HUNK: variants seen among roughly 807,000 people sequenced by gnomAD.
HUNK encodes the protein hormonally up-regulated neu tumor-associated kinase.
HUNK carries 21 observed loss-of-function variants against 61.0 expected under a neutral mutation model. The observed-to-expected ratio is 0.34, with a 90% CI of 0.24 to 0.50. HUNK has a LOEUF of 0.50. Ranked by LOEUF, HUNK falls within the 20% of genes least tolerant of loss-of-function variation. The pLI is 0.98. For synonymous variants in HUNK, 371 were observed against 386.1 expected (o/e 0.96, Z 0.46); for missense variants, 772 against 945.7 (o/e 0.82, Z 2.41).
At chr21:31,912,834 G>A (rs2052555838) in intron 1 of HUNK, among the ~76,000 whole-genome samples, 2 of 152,120 alleles carry the variant, frequency 1.3e-5, no homozygotes, top group East Asian at 1.9e-4. Context: ...TCTGCATCAC[G>A]ATCGCACACA....
intron 1 of HUNK, among the ~76,000 whole-genome samples, chr21:31,902,984 A>G (rs2052479307): frequency 6.6e-6 from 1 of 152,166 alleles, no homozygotes; most frequent in African/African-American, 2.4e-5. Context: ...GATCATGATC[A>G]AAGTGTCTAA....
chr21:31,960,739 A>G (rs910524800), intron 5 of HUNK, among the ~76,000 whole-genome samples: 2 of 152,178 alleles, frequency 1.3e-5, no homozygotes, highest in Admixed American at 6.5e-5. Context: ...TGAGAACAGC[A>G]TGAACTGCCT....
intron 1 of HUNK, among the ~76,000 whole-genome samples, chr21:31,910,266 G>T (rs1035881895): frequency 6.6e-6 from 1 of 151,986 alleles, no homozygotes; most frequent in Non-Finnish European, 1.5e-5. Flanking sequence ...TTCTCCTGAG[G>T]CCTCCTCTCC....
chr21:31,985,387 T>C (rs1222771255), intron 8 of HUNK, among the ~76,000 whole-genome samples: 1 of 152,174 alleles, frequency 6.6e-6, no homozygotes, highest in Non-Finnish European at 1.5e-5. Flanking sequence ...TGGTGGTTAC[T>C]GGGGCCCACA....
At chr21:31,884,463 G>A (rs2052331449) in intron 1 of HUNK, among the ~76,000 whole-genome samples, 1 of 151,908 alleles carries the variant, frequency 6.6e-6, no homozygotes, top group African/African-American at 2.4e-5. Flanking sequence ...GTGGTGGTGG[G>A]CACCTGTAAT....
At chr21:31,974,322 C>CA (rs113469359) in intron 6 of HUNK, 9,038 of 316,330 alleles carry the variant, frequency 0.029, 80 homozygotes, top group African/African-American at 0.067. Flanking sequence ...AATACTTCAG[C>CA]AAAAAAAAAA....
rs186462301 is a variant in HUNK, at chr21:31,968,394, G to A, written c.1010+9G>A. ...GTCACCTATCCCAACAGGTAATTTC[G>A]TGCACCCAGAGGAACTCCTCGGGAG... On this transcript the variant is annotated intron_variant, in intron 6 of 10. Coordinates refer to ENST00000270112, the MANE Select transcript of HUNK (RefSeq NM_014586.2). The A allele has an allele frequency of 3.1e-6, 5 of 1,614,030 alleles. No homozygotes were observed. Among genetic ancestry groups the A allele is most frequent in the South Asian group, 1.1e-5 (1 of 91,068 alleles).
At chr21:31,917,274 C>G (rs1285996523) in intron 1 of HUNK, among the ~76,000 whole-genome samples, 1 of 151,750 alleles carries the variant, frequency 6.6e-6, no homozygotes. Flanking sequence ...GTCACTACAG[C>G]CTGGAACTCC....
At chr21:31,974,778 C>T in intron 7 of HUNK, 61 bp downstream of exon 7, 1 of 1,459,740 alleles carries the variant, frequency 6.9e-7, no homozygotes, top group Non-Finnish European at 9.2e-7. Flanking sequence ...CTCCTACACC[C>T]AAAGTGCTTC....
At position 31,998,696 on chromosome 21, in the gene HUNK, C is replaced by T; in HGVS notation, c.1657C>T (p.Pro553Ser). 6.2e-7 allele frequency: 1 copy of T among 1,614,140 alleles called. No individual in the cohort carries two copies. Reference protein sequence around the residue: ...GSTGIPHKEDPLMLDMVRSFE... With the variant: ...GSTGIPHKEDSLMLDMVRSFE... The stretch of plus-strand genomic sequence containing the variant: ...CACTGGCATCCCCCACAAGGAAGAC[C>T]CCCTGATGCTGGACATGGTGCGCTC... Residue 553 changes from proline to serine, a missense_variant, in exon 11 of 11, where the codon CCC becomes TCC. Physicochemically the swap from Pro to Ser is moderately conservative, Grantham distance 74. Around this residue, in one of 2 missense-constraint regions of HUNK, gnomAD observed 413 missense variants for 444.4 expected, o/e 0.93. Transcript: ENST00000270112.
At chr21:31,963,543 G>A (rs1157335098) in intron 5 of HUNK, among the ~76,000 whole-genome samples, 1 of 152,122 alleles carries the variant, frequency 6.6e-6, no homozygotes, top group Non-Finnish European at 1.5e-5. Flanking sequence ...TGTCATCCTG[G>A]CTGGAGTGCA....
chr21:31,902,343 T>G (rs760668434), intron 1 of HUNK, among the ~76,000 whole-genome samples: 4 of 152,154 alleles, frequency 2.6e-5, no homozygotes, highest in Non-Finnish European at 2.9e-5. Flanking sequence ...AAACCCCATC[T>G]CTACTAAACA....
intron 6 of HUNK, among the ~76,000 whole-genome samples, chr21:31,969,676 C>A (rs2052996847): frequency 1.3e-5 from 2 of 151,686 alleles, no homozygotes; most frequent in African/African-American, 2.4e-5. Flanking sequence ...AAGGGAGTCT[C>A]CCACCTCAGC....
chr21:31,946,136 G>A lies in HUNK; in HGVS notation c.711G>A (p.Arg237=), dbSNP rs1176188878. 1.3e-5 allele frequency: 21 copies of A among 1,613,002 alleles called. No individual in the cohort carries two copies. The highest frequency in any genetic ancestry group is 1.8e-5 in the Non-Finnish European group (21 of 1,179,132). ...ACGCTGCACCTGAACTGCTCGCCAG[G>A]AAGAAATACGGCCCCAAAATCGATG... is the stretch of plus-strand genomic sequence containing the variant. ...PAYAAPELLA[R]KKYGPKIDVW... Residue 237 remains arginine (R), a synonymous_variant, in exon 4 of 11, where the codon AGG becomes AGA. Coordinates refer to ENST00000270112, the MANE Select transcript of HUNK (RefSeq NM_014586.2).
In HUNK at chr21:31,998,680, C is replaced by A; in HGVS notation, c.1641C>A (p.Ile547=). The A allele has an allele frequency of 6.2e-7, 1 of 1,614,110 alleles. No individual in the cohort carries two copies. Among genetic ancestry groups the A allele is most frequent in the Non-Finnish European group, 8.5e-7 (1 of 1,180,018 alleles). The change falls in exon 11 of 11, where the codon ATC becomes ATA. Residue 547 remains isoleucine, a synonymous_variant. Coordinates refer to ENST00000270112, the MANE Select transcript of HUNK (RefSeq NM_014586.2). The part of the protein sequence containing the change: ...PHQPGPGSTG[I]PHKEDPLMLD... Reference sequence around the variant, plus strand: ...AGCCAGGGCCCGGAAGCACTGGCATCCCCCACAAGGAAGACCCCCTGATGC... The same window carrying A: ...AGCCAGGGCCCGGAAGCACTGGCATACCCCACAAGGAAGACCCCCTGATGC...
intron 1 of HUNK, among the ~76,000 whole-genome samples, chr21:31,880,774 A>G (rs2052300972): frequency 6.6e-6 from 1 of 152,100 alleles, no homozygotes; most frequent in East Asian, 1.9e-4. Flanking sequence ...GACTGTCAGT[A>G]TTGGGTTGTG....
chr21:31,892,159 AAAAATAT>A (rs1453631065), intron 1 of HUNK, among the ~76,000 whole-genome samples: 2 of 102,692 alleles, frequency 1.9e-5, no homozygotes, highest in African/African-American at 7.4e-5. Flanking sequence ...AAAAAAAAAA[AAAAATAT>A]ATATATATAT....
At chr21:31,891,523 A>G (rs759763395) in intron 1 of HUNK, among the ~76,000 whole-genome samples, 20 of 152,278 alleles carry the variant, frequency 1.3e-4, no homozygotes, top group Non-Finnish European at 1.8e-4. Context: ...TAAATGTATT[A>G]TTGCACATCT....
At chr21:31,968,149 G>A (rs960884584) in intron 5 of HUNK, 101 bp from the exon 6 acceptor site, 1 of 1,413,012 alleles carries the variant, frequency 7.1e-7, no homozygotes, top group African/African-American at 1.4e-5. Flanking sequence ...CAGTGACTCG[G>A]GATGGGCAGG....
Sources: gnomAD v4.1 joint callset for allele counts (sites outside exome capture counted in the v4.1 genomes callset) on GRCh38, gnomAD v4.1.1 for gene constraint, gnomAD v4.1.1 regional missense constraint, MANE v1.5 for transcripts, NCBI Gene and HGNC (gene_info 2026-07-23, HGNC 2026-07-21) for gene names.